Variants in GFM1 observed in about 807,000 individuals in gnomAD.
The protein encoded by GFM1 is elongation factor G, mitochondrial.
In GFM1, 62 loss-of-function variants were observed where a neutral mutation model predicts 96.2. The observed-to-expected ratio is 0.64, with a 90% CI of 0.53 to 0.80. The LOEUF is 0.80. Ranked by LOEUF, GFM1 falls within the 30% of genes least tolerant of loss-of-function variation. GFM1 has a pLI of 0.00. For missense variants in GFM1, 852 were observed against 916.6 expected, an observed-to-expected ratio of 0.93 and a Z score of 0.91; for synonymous variants, 282 against 312.9, an observed-to-expected ratio of 0.90 and a Z score of 1.04.
At chr3:158,670,193 TTTTAAG>T (rs1413796515) in intron 13 of GFM1, among the ~76,000 whole-genome samples, 3 of 152,214 alleles carry the variant, frequency 2.0e-5, no homozygotes, top group Admixed American at 1.3e-4. Flanking sequence ...AGTTCCTTTC[TTTTAAG>T]TTTGTCTCAT....
intron 5 of GFM1, chr3:158,650,124 C>A: frequency 2.2e-6 from 3 of 1,348,150 alleles, no homozygotes; most frequent in South Asian, 2.5e-5. Flanking sequence ...ATCTTGTAAG[C>A]AGGAAAAGGA....
chr3:158,660,678 T>C, intron 9 of GFM1, 196 bp from the exon 10 acceptor site: 4 of 595,254 alleles, frequency 6.7e-6, no homozygotes, highest in Admixed American at 5.8e-5. Context: ...ATGGTTTAAA[T>C]GAAGGCCTTT....
In GFM1 at chr3:158,695,145, G is replaced by A. The variant is rs761378312; in HGVS notation, c.*3678G>A. 6.6e-6 allele frequency among the ~76,000 whole-genome samples: 1 copy of A among 152,050 alleles called. No individual in the cohort carries two copies. On this transcript the variant is annotated 3_prime_UTR_variant, in exon 18 of 18. Transcript: ENST00000486715. ...TTCCAGCACTTTGGGAGGCCAAGGT[G>A]GGTGGATAACCTGAGGTCAGGAGTT...
chr3:158,656,230 T>A (rs28892926), intron 8 of GFM1: 2,509 of 202,854 alleles, frequency 0.012, 54 homozygotes, highest in African/African-American at 0.057. Flanking sequence ...CTCGGCTCGC[T>A]GCAGCCTCCA....
rs191245270 is a variant in GFM1 at position 158,667,112 on chromosome 3, A to G, written c.1601+726A>G. The stretch of plus-strand genomic sequence containing the variant: ...ATAAAAACGTGTTGTTTAAAACTTA[A>G]TATCTTTGGCAAAAATTACATTTAA... On this transcript the variant is annotated intron_variant, in intron 13 of 17. Coordinates refer to ENST00000486715, the MANE Select transcript of GFM1 (RefSeq NM_024996.7). 24 of 1,524,700 alleles carry G rather than the reference A, an allele frequency of 1.6e-5. No homozygotes were observed. In the African/African-American group the frequency reaches 3.1e-4, roughly 20 times the overall value. The allele number at this position is 1,524,700 out of a possible 1,614,324, so 94.4% of individuals were successfully genotyped here. A position where few individuals can be genotyped will look rare whatever the true frequency, so the allele number is the denominator to read the frequency against.
intron 15 of GFM1, among the ~76,000 whole-genome samples, chr3:158,686,161 T>C (rs1017270535): frequency 1.3e-5 from 2 of 148,758 alleles, no homozygotes; most frequent in South Asian, 2.1e-4. Context: ...TAATATGTTA[T>C]ATATTATATG....
At position 158,652,150 on chromosome 3, in the gene GFM1, C is replaced by T. The variant is rs1284932610; in HGVS notation, c.744C>T (p.Asp248=). ...IPAELRAAAT[D]HRQELIECVA... ...CTGAATTAAGGGCGGCGGCCACTGA[C>T]CACCGGCAGGAGCTAATTGAATGTG... The change falls in exon 6 of 18, where the codon GAC becomes GAT. Residue 248 remains aspartate, a synonymous_variant. Transcript: ENST00000486715. 3.1e-6 allele frequency: 5 copies of T among 1,613,712 alleles called. No individual in the cohort carries two copies. In the African/African-American group the frequency reaches 5.3e-5, roughly 17 times the overall value.
intron 13 of GFM1, among the ~76,000 whole-genome samples, chr3:158,668,753 G>A (rs1325334506): frequency 1.3e-5 from 2 of 152,282 alleles, no homozygotes; most frequent in South Asian, 2.1e-4. Flanking sequence ...AGGCAAAGGA[G>A]GCCTGTGGTT....
intron 13 of GFM1, chr3:158,671,062 C>T: frequency 2.1e-6 from 3 of 1,450,696 alleles, no homozygotes; most frequent in East Asian, 2.6e-5. Context: ...AATATTATAA[C>T]AACATTATAC....
rs76266615 is a variant in GFM1 at position 158,659,382 on chromosome 3, T to C, written c.1221+323T>C. Reference sequence around the variant, plus strand: ...AGAACTATTATTACAAAAAATGTAATAGGCATTTAAGACTGTGGAACTGTG... The same window carrying C: ...AGAACTATTATTACAAAAAATGTAACAGGCATTTAAGACTGTGGAACTGTG... On this transcript the variant is annotated intron_variant, in intron 9 of 17. Coordinates refer to ENST00000486715, the MANE Select transcript of GFM1 (RefSeq NM_024996.7). Among the ~76,000 whole-genome samples, 570 of 152,352 alleles carry C rather than the reference T, an allele frequency of 3.7e-3. 3 individuals are homozygous for C. The highest frequency in any genetic ancestry group is 0.013 in the African/African-American group (553 of 41,582).
chr3:158,664,384 C>T (rs1387088805), intron 11 of GFM1, among the ~76,000 whole-genome samples: 1 of 152,154 alleles, frequency 6.6e-6, no homozygotes, highest in Non-Finnish European at 1.5e-5. Context: ...GAATTTCTCT[C>T]CTTCTTACTC....
At position 158,671,601 on chromosome 3, in the gene GFM1, A is replaced by T. The variant is rs182679909; in HGVS notation, c.1601+5215A>T. ...TTGAAAATTTATACCTAATTCTGTT[A>T]TCTGGTACAGTTTCAAAATAAGATC... On this transcript the variant is annotated intron_variant, in intron 13 of 17. Transcript: ENST00000486715. 6.1e-4 allele frequency among the ~76,000 whole-genome samples: 93 copies of T among 152,350 alleles called. 2 individuals carry two copies. The highest frequency in any genetic ancestry group is 5.3e-3 in the Admixed American group (81 of 15,306).
chr3:158,686,275 T>C (rs1035532965), intron 15 of GFM1, among the ~76,000 whole-genome samples: 5 of 147,890 alleles, frequency 3.4e-5, no homozygotes, highest in African/African-American at 1.2e-4. Context: ...ATAAAATATA[T>C]ATAAACCATA....
intron 13 of GFM1, chr3:158,666,987 C>A: frequency 6.3e-7 from 1 of 1,585,096 alleles, no homozygotes; most frequent in South Asian, 1.2e-5. Flanking sequence ...AGAATGGCAT[C>A]AAATAAAGGT....
At chr3:158,670,932 C>CAAAGAAA (rs56093991) in intron 13 of GFM1, 522,079 of 1,485,220 alleles carry the variant, frequency 0.35, 97,263 homozygotes, top group African/African-American at 0.59. Context: ...GACCCTGTCT[C>CAAAGAAA]AAAGAAAAAA....
intron 8 of GFM1, among the ~76,000 whole-genome samples, chr3:158,658,043 G>C (rs1722906491): frequency 6.6e-6 from 1 of 151,334 alleles, no homozygotes. Flanking sequence ...AAAATTTCCT[G>C]TTGGGATTTC....
intron 8 of GFM1, chr3:158,657,268 T>C (rs1033376820): frequency 4.0e-5 from 6 of 151,130 alleles, no homozygotes; most frequent in Admixed American, 6.6e-5. Flanking sequence ...CATAAAGCTT[T>C]TAAAAATACA....
Position 158,660,655 on chromosome 3 carries a change from T to C in GFM1, c.1222-219T>C, listed in dbSNP as rs1364532502. 1.1e-5 allele frequency: 6 copies of C among 554,300 alleles called. No individual in the cohort carries two copies. In the African/African-American group the frequency reaches 1.1e-4, roughly 11 times the overall value. The allele number at this position is 554,300 out of a possible 1,614,324, so 34.3% of individuals were successfully genotyped here. On this transcript the variant is annotated intron_variant, in intron 9 of 17. Coordinates refer to ENST00000486715, the MANE Select transcript of GFM1 (RefSeq NM_024996.7). ...GAGTTTTCTGTTTAAAGTAAAATCT[T>C]GTCTATTGATATATGGTTTAAATGA...
chr3:158,658,023 A>G (rs1485637067), intron 8 of GFM1, among the ~76,000 whole-genome samples: 1 of 152,150 alleles, frequency 6.6e-6, no homozygotes. Flanking sequence ...TAAAATCACT[A>G]ATCATGTTTA....
Sources: gnomAD v4.1 joint callset for allele counts (sites outside exome capture counted in the v4.1 genomes callset) on GRCh38, gnomAD v4.1.1 for gene constraint, MANE v1.5 for transcripts, NCBI Gene and HGNC (gene_info 2026-07-23, HGNC 2026-07-21) for gene names.